The following TMEM132B variants were observed in gnomAD, a reference collection of about 807,000 sequenced individuals.
The protein encoded by TMEM132B is transmembrane protein 132B.
A neutral mutation model predicts 90.8 loss-of-function variants in TMEM132B; 18 were observed. The ratio of observed to expected loss-of-function variants is 0.20; its 90% confidence interval spans 0.14 to 0.29. TMEM132B has a LOEUF of 0.29. Among genes scored for constraint, TMEM132B ranks in the 10% least tolerant of loss-of-function variants. The pLI, the probability that TMEM132B is intolerant of heterozygous loss-of-function variation, is 1.00. For synonymous variants in TMEM132B, 504 were observed against 523.3 expected (o/e 0.96, Z 0.50); for missense variants, 1,096 against 1,326.8 (o/e 0.83, Z 2.70).
chr12:125,472,482 G>A (rs1881749965), intron 3 of TMEM132B, among the ~76,000 whole-genome samples: 2 of 152,204 alleles, frequency 1.3e-5, no homozygotes, highest in African/African-American at 2.4e-5. Context: ...GTCTGTGGGG[G>A]CTGGAACAGT....
At chr12:125,275,113 C>T (rs1009363213) in intron 1 of TMEM132B, among the ~76,000 whole-genome samples, 1 of 152,060 alleles carries the variant, frequency 6.6e-6, no homozygotes, top group African/African-American at 2.4e-5. Context: ...TCATTCAAAG[C>T]GCCGTCCCAA....
chr12:125,642,546 T>C (rs1346890244), intron 5 of TMEM132B, among the ~76,000 whole-genome samples: 1 of 152,186 alleles, frequency 6.6e-6, no homozygotes, highest in Non-Finnish European at 1.5e-5. Flanking sequence ...ACTACCATCT[T>C]AGGCCTGGAA....
At position 125,396,121 on chromosome 12, in the gene TMEM132B, G is replaced by A. The variant is rs1185961892; in HGVS notation, c.960-19410G>A. On this transcript the variant is annotated intron_variant, in intron 2 of 8. Coordinates refer to ENST00000682704, the MANE Select transcript of TMEM132B (RefSeq NM_001366854.1). The stretch of plus-strand genomic sequence containing the variant: ...CAGCCCAGCATGAACTACCTGGACT[G>A]AGTGTGAGTGTGGCTCCTCAATGGG... Among the ~76,000 whole-genome samples the A allele has an allele frequency of 3.3e-5, 5 of 152,326 alleles. No individual in the cohort carries two copies. The South Asian group carries it at 1.0e-3, about 32-fold the overall frequency.
intron 5 of TMEM132B, chr12:125,586,292 A>G (rs1347652579): frequency 6.6e-6 from 1 of 152,236 alleles, no homozygotes; most frequent in Admixed American, 6.5e-5. Context: ...GTAATATCCA[A>G]ACAAATGAAC....
intron 5 of TMEM132B, chr12:125,588,334 C>G (rs1209677862): frequency 6.6e-6 from 1 of 152,168 alleles, no homozygotes. Context: ...CCAAACTACT[C>G]CCTAATCCTT....
intron 3 of TMEM132B, among the ~76,000 whole-genome samples, chr12:125,510,080 T>A (rs1426845013): frequency 6.6e-6 from 1 of 152,030 alleles, no homozygotes; most frequent in African/African-American, 2.4e-5. Context: ...GCTAGAAGGG[T>A]TTTGGATGTT....
chr12:125,283,884 C>T lies in TMEM132B; in HGVS notation c.68-65568C>T, dbSNP rs1037287187. The stretch of plus-strand genomic sequence containing the variant: ...AGATTTCCAGGACAGACTTTGAGAT[C>T]AACCCTCTCATTTTACAGATAAAGG... On this transcript the variant is annotated intron_variant, in intron 1 of 8. Transcript: ENST00000682704. 4.6e-5 allele frequency among the ~76,000 whole-genome samples: 7 copies of T among 152,346 alleles called. No individual in the cohort carries two copies. In the South Asian group the frequency reaches 1.4e-3, roughly 32 times the overall value.
intron 5 of TMEM132B, among the ~76,000 whole-genome samples, chr12:125,641,540 C>T (rs1234590112): frequency 6.6e-6 from 1 of 152,098 alleles, no homozygotes; most frequent in Non-Finnish European, 1.5e-5. Context: ...ATGCATGTCC[C>T]AGGAGAAAAA....
rs1311420743 is a variant in TMEM132B at position 125,434,234 on chromosome 12, C to T, written c.1106+18557C>T. ...CACGTCTCATTCTCCGACCCTGACG[C>T]TCCTGTCCCCCTCTAGTAAGGACCA... On this transcript the variant is annotated intron_variant, in intron 3 of 8. Coordinates refer to ENST00000682704, the MANE Select transcript of TMEM132B (RefSeq NM_001366854.1). Among the ~76,000 whole-genome samples the T allele has an allele frequency of 2.6e-5, 4 of 152,272 alleles. No individual in the cohort carries two copies. The East Asian group carries it at 5.8e-4, about 22-fold the overall frequency.
intron 4 of TMEM132B, among the ~76,000 whole-genome samples, chr12:125,563,870 A>G (rs887034236): frequency 2.0e-5 from 3 of 152,208 alleles, no homozygotes; most frequent in Non-Finnish European, 4.4e-5. Context: ...GAACTCCTGG[A>G]GCCACTAGAA....
intron 3 of TMEM132B, among the ~76,000 whole-genome samples, chr12:125,424,012 A>G (rs1307151047): frequency 6.6e-6 from 1 of 152,198 alleles, no homozygotes; most frequent in Non-Finnish European, 1.5e-5. Context: ...AACAATTTCA[A>G]GATTTGTGGA....
At chr12:125,443,451 GGGCCTTGATTT>G (rs1880927547) in intron 3 of TMEM132B, among the ~76,000 whole-genome samples, 1 of 152,134 alleles carries the variant, frequency 6.6e-6, no homozygotes, top group South Asian at 2.1e-4. Context: ...GGAGTGGGGA[GGGCCTTGATTT>G]GGTCTCTCCT....
At chr12:125,532,407 G>A (rs1883668823) in intron 4 of TMEM132B, among the ~76,000 whole-genome samples, 1 of 152,138 alleles carries the variant, frequency 6.6e-6, no homozygotes, top group Non-Finnish European at 1.5e-5. Flanking sequence ...CCCTGGAATT[G>A]TCCTGCTTGT....
intron 3 of TMEM132B, among the ~76,000 whole-genome samples, chr12:125,466,852 A>C (rs778867412): frequency 2.0e-5 from 3 of 152,234 alleles, no homozygotes; most frequent in East Asian, 1.9e-4. Flanking sequence ...GGTGTTGGCT[A>C]TCGAGGGGTT....
chr12:125,520,844 T>C (rs993829814), intron 4 of TMEM132B, among the ~76,000 whole-genome samples: 2 of 152,208 alleles, frequency 1.3e-5, no homozygotes, highest in African/African-American at 4.8e-5. Flanking sequence ...CAGTTAATGT[T>C]TGTTGAATGA....
At chr12:125,344,971 G>T (rs1016755905) in intron 1 of TMEM132B, among the ~76,000 whole-genome samples, 1 of 152,160 alleles carries the variant, frequency 6.6e-6, no homozygotes, top group Admixed American at 6.5e-5. Flanking sequence ...TAATATTAAT[G>T]CTGACAAAGG....
At chr12:125,496,251 A>G (rs1449814797) in intron 3 of TMEM132B, among the ~76,000 whole-genome samples, 1 of 152,164 alleles carries the variant, frequency 6.6e-6, no homozygotes, top group African/African-American at 2.4e-5. Flanking sequence ...GGGAGGTTTT[A>G]TACTGGCATT....
rs543353834 is a variant in TMEM132B at position 125,476,655 on chromosome 12, G to A, written c.1107-42784G>A. On this transcript the variant is annotated intron_variant, in intron 3 of 8. Transcript: ENST00000682704. Reference sequence around the variant, plus strand: ...TGGGGTTGAGTTGCTAATATGAGTTGCTAATATGAGTTGGGGGAGAGTACA... The same window carrying A: ...TGGGGTTGAGTTGCTAATATGAGTTACTAATATGAGTTGGGGGAGAGTACA... Among the ~76,000 whole-genome samples the A allele has an allele frequency of 4.6e-5, 7 of 152,298 alleles. No homozygotes were observed. The South Asian group carries it at 1.2e-3, about 27-fold the overall frequency.
Position 125,657,654 on chromosome 12 carries a change from G to A in TMEM132B, c.*2944G>A, listed in dbSNP as rs928604064. 6.6e-6 allele frequency: 1 copy of A among 152,136 alleles called. No individual in the cohort carries two copies. The allele number at this position is 152,136 out of a possible 1,614,324, so 9.4% of individuals were successfully genotyped here. A position where few individuals can be genotyped will look rare whatever the true frequency, so the allele number is the denominator to read the frequency against. Reference sequence around the variant, plus strand: ...TTTCTGGGGACCATGCATTTGCCTGGATTTTCCAGGATTTTATGGCTGATA... The same window carrying A: ...TTTCTGGGGACCATGCATTTGCCTGAATTTTCCAGGATTTTATGGCTGATA... On this transcript the variant is annotated 3_prime_UTR_variant, in exon 9 of 9. Coordinates refer to ENST00000682704, the MANE Select transcript of TMEM132B (RefSeq NM_001366854.1).
Sources: gnomAD v4.1 joint callset for allele counts (sites outside exome capture counted in the v4.1 genomes callset) on GRCh38, gnomAD v4.1.1 for gene constraint, MANE v1.5 for transcripts, NCBI Gene and HGNC (gene_info 2026-07-23, HGNC 2026-07-21) for gene names.